Variants in TYW1B observed in about 807,000 individuals in gnomAD.
TYW1B encodes S-adenosyl-L-methionine-dependent tRNA 4-demethylwyosine synthase TYW1B.
In TYW1B, 73 loss-of-function variants were observed where a neutral mutation model predicts 86.9. The observed-to-expected ratio is 0.84, with a 90% confidence interval of 0.70 to 1.02. The LOEUF (loss-of-function observed/expected upper bound fraction) is 1.02, where lower values mean the gene tolerates loss of function less well. TYW1B is among the 50% of genes least tolerant of loss of function. TYW1B has a pLI of 0.00. For synonymous variants in TYW1B, 248 were observed against 292.8 expected (o/e 0.85, Z 1.56); for missense variants, 637 against 827.4 (o/e 0.77, Z 2.82).
intron 11 of TYW1B, among the ~76,000 whole-genome samples, chr7:72,667,832 G>A (rs1554445618): frequency 1.3e-5 from 2 of 152,216 alleles, no homozygotes; most frequent in Admixed American, 6.5e-5. Context: ...CAGGCAATCT[G>A]ATGATATATG....
intron 10 of TYW1B, among the ~76,000 whole-genome samples, chr7:72,707,353 C>T (rs1814638358): frequency 6.6e-6 from 1 of 152,228 alleles, no homozygotes; most frequent in South Asian, 2.1e-4. Flanking sequence ...CAGCCCAGCC[C>T]ATCATCAACC....
At chr7:72,619,432 G>C (rs113072622) in intron 12 of TYW1B, among the ~76,000 whole-genome samples, 1 of 151,868 alleles carries the variant, frequency 6.6e-6, no homozygotes, top group Non-Finnish European at 1.5e-5. Context: ...ATGAGGTCAG[G>C]AGATCGAGAC....
At chr7:72,725,478 A>G (rs1554458488) in intron 9 of TYW1B, among the ~76,000 whole-genome samples, 1 of 152,152 alleles carries the variant, frequency 6.6e-6, no homozygotes, top group Non-Finnish European at 1.5e-5. Context: ...CCTGCTTCTG[A>G]TATTACTATC....
At chr7:72,591,583 C>A (rs1811396222) in intron 13 of TYW1B, among the ~76,000 whole-genome samples, 1 of 152,044 alleles carries the variant, frequency 6.6e-6, no homozygotes, top group Non-Finnish European at 1.5e-5. Context: ...CCTATACTGG[C>A]AAAACACGAG....
intron 11 of TYW1B, among the ~76,000 whole-genome samples, chr7:72,640,435 G>T (rs1357809275): frequency 3.3e-5 from 5 of 151,814 alleles, no homozygotes; most frequent in Admixed American, 2.0e-4. Context: ...GTAATGTCTT[G>T]TGGAGATATA....
At chr7:72,584,053 T>C (rs1201107254) in intron 13 of TYW1B, among the ~76,000 whole-genome samples, 5 of 152,230 alleles carry the variant, frequency 3.3e-5, no homozygotes, top group African/African-American at 1.2e-4. Flanking sequence ...CTTTTTGTTT[T>C]GTTTTGTTTT....
At chr7:72,578,821 C>T (rs567229535) in intron 13 of TYW1B, among the ~76,000 whole-genome samples, 27 of 152,244 alleles carry the variant, frequency 1.8e-4, no homozygotes, top group Admixed American at 5.9e-4. Flanking sequence ...AGCTTGGCCC[C>T]GTAGAGGAGT....
At chr7:72,590,635 T>C (rs1811375763) in intron 13 of TYW1B, among the ~76,000 whole-genome samples, 1 of 152,242 alleles carries the variant, frequency 6.6e-6, no homozygotes, top group South Asian at 2.1e-4. Context: ...TACCTCGGGC[T>C]GATCCTTGGC....
chr7:72,623,041 A>T (rs1364649933), intron 12 of TYW1B, among the ~76,000 whole-genome samples: 1 of 152,202 alleles, frequency 6.6e-6, no homozygotes, highest in East Asian at 1.9e-4. Context: ...AAAAGGAAGG[A>T]AGAGTTTCCT....
chr7:72,590,205 G>C (rs1471044584), intron 13 of TYW1B, among the ~76,000 whole-genome samples: 1 of 152,208 alleles, frequency 6.6e-6, no homozygotes, highest in South Asian at 2.1e-4. Context: ...GTTATTTTCA[G>C]TCAATCTCCG....
chr7:72,823,131 C>T (rs1554480805), intron 2 of TYW1B: 3 of 151,992 alleles, frequency 2.0e-5, no homozygotes, highest in African/African-American at 4.8e-5. Flanking sequence ...CCTCAGCCTC[C>T]CAAGTAGCTG....
chr7:72,580,613 A>G (rs549183971), intron 13 of TYW1B, among the ~76,000 whole-genome samples: 3 of 152,176 alleles, frequency 2.0e-5, no homozygotes, highest in Non-Finnish European at 4.4e-5. Flanking sequence ...AAACTGCTGT[A>G]CAAAGGGGCC....
At chr7:72,632,376 TTATATATATACGTATATATATATAA>T (rs1563038659) in intron 11 of TYW1B, among the ~76,000 whole-genome samples, 3 of 96,246 alleles carry the variant, frequency 3.1e-5, no homozygotes, top group Non-Finnish European at 5.7e-5. Flanking sequence ...CGCATATATA[TTATATATATACGTATATATATATAA>T]TATATATATA....
chr7:72,774,373 T>A (rs1232848467), intron 7 of TYW1B, among the ~76,000 whole-genome samples: 1 of 110,092 alleles, frequency 9.1e-6, no homozygotes, highest in Non-Finnish European at 1.9e-5. Context: ...CTTAACCTTG[T>A]CCCAGGGGAA....
intron 3 of TYW1B, among the ~76,000 whole-genome samples, chr7:72,814,289 A>T (rs1183661676): frequency 6.6e-6 from 1 of 152,012 alleles, no homozygotes; most frequent in South Asian, 2.1e-4. Flanking sequence ...CCGTATCTCT[A>T]TAAAAAATCT....
At chr7:72,692,084 T>C (rs1814180056) in intron 11 of TYW1B, among the ~76,000 whole-genome samples, 2 of 151,002 alleles carry the variant, frequency 1.3e-5, no homozygotes, top group South Asian at 4.2e-4. Flanking sequence ...TACGCACCTG[T>C]AATCCTAGCT....
Position 72,694,724 on chromosome 7 carries a change from T to A in TYW1B, c.1469A>T (p.Gln490Leu). Residue 490 changes from glutamine (Q) to leucine (L), a missense_variant, in exon 11 of 14, where the codon CAG becomes CTG. Transcript: ENST00000620995. Reference sequence around the variant, plus strand: ...GGCTTTTAAACTGTCAAGGAATTGCTGCCAGAAATCCTTGAAGAGTGGGCG... The same window carrying A: ...GGCTTTTAAACTGTCAAGGAATTGCAGCCAGAAATCCTTGAAGAGTGGGCG... ...IDRPLFKDFW[Q>L]QFLDSLKALA... 1 of 1,613,636 alleles carries A rather than the reference T, an allele frequency of 6.2e-7. No individual in the cohort carries two copies.
intron 7 of TYW1B, among the ~76,000 whole-genome samples, chr7:72,761,122 T>C (rs1303652042): frequency 6.6e-6 from 1 of 152,196 alleles, no homozygotes; most frequent in African/African-American, 2.4e-5. Context: ...TTCAAGTAAT[T>C]TGAAATCCTA....
intron 12 of TYW1B, among the ~76,000 whole-genome samples, chr7:72,620,167 C>T (rs1317240043): frequency 1.3e-5 from 2 of 151,750 alleles, no homozygotes; most frequent in Non-Finnish European, 2.9e-5. Flanking sequence ...GAGGCTGAGG[C>T]GGGCAGATCA....
Sources: allele counts gnomAD v4.1 joint callset (sites outside exome capture counted in the v4.1 genomes callset), GRCh38; gene constraint gnomAD v4.1.1; transcripts MANE v1.5; gene names NCBI Gene and HGNC (gene_info 2026-07-23, HGNC 2026-07-21).